Variants in NPHP4 observed in about 807,000 individuals in gnomAD.
NPHP4 encodes the protein nephrocystin 4, also known as nephrocystin-4.
Under a neutral mutation model 155.8 loss-of-function variants are expected in NPHP4, and 151 were observed. That is an observed-to-expected ratio of 0.97 (90% confidence interval 0.85 to 1.11). NPHP4 has a LOEUF of 1.11. Ranked by LOEUF, NPHP4 falls within the 50% of genes least tolerant of loss-of-function variation. The pLI is 0.00. For synonymous variants in NPHP4, 845 were observed against 816.8 expected (o/e 1.03, Z -0.59); for missense variants, 1,956 against 1,925.7 (o/e 1.02, Z -0.29).
intron 2 of NPHP4, among the ~76,000 whole-genome samples, chr1:5,982,998 G>T (rs1299860345): frequency 1.3e-5 from 2 of 152,180 alleles, no homozygotes; most frequent in Non-Finnish European, 2.9e-5. Flanking sequence ...TAGCTTTGTT[G>T]GGAGTGGTGT....
chr1:5,863,963 T>G lies in NPHP4; in HGVS notation c.4067A>C (p.Tyr1356Ser), dbSNP rs747071185. The change falls in exon 29 of 30, where the codon TAC becomes TCC. Residue 1356 changes from tyrosine (Y) to serine (S), a missense_variant. Tyr to Ser is a moderately radical substitution (Grantham distance 144, BLOSUM62 -2). Coordinates refer to ENST00000378156, the MANE Select transcript of NPHP4 (RefSeq NM_015102.5). Reference sequence around the variant, plus strand: ...CAGGTGGAATGTCCTCCGGGAGGGGTAGGGGTTGGTGTAGGTGATCCTCTT... The same window carrying G: ...CAGGTGGAATGTCCTCCGGGAGGGGGAGGGGTTGGTGTAGGTGATCCTCTT... ...VNKRITYTNP[Y>S]PSRRTFHLHS... 5.6e-6 allele frequency: 9 copies of G among 1,613,246 alleles called. No individual in the cohort carries two copies. In the East Asian group the frequency reaches 1.6e-4, roughly 28 times the overall value.
At chr1:5,925,830 C>T (rs1384269299) in intron 11 of NPHP4, among the ~76,000 whole-genome samples, 1 of 152,116 alleles carries the variant, frequency 6.6e-6, no homozygotes, top group Non-Finnish European at 1.5e-5. Context: ...TTAGCCAGAA[C>T]GGTCTCGATC....
At chr1:5,989,675 A>AT (rs577678796) in intron 1 of NPHP4, among the ~76,000 whole-genome samples, 6 of 152,214 alleles carry the variant, frequency 3.9e-5, no homozygotes, top group Non-Finnish European at 8.8e-5. Context: ...GCAGGCCGTG[A>AT]TGGCCCCAGG....
At position 5,875,068 on chromosome 1, in the gene NPHP4, C is replaced by T. The variant is rs1246371645; in HGVS notation, c.2850G>A (p.Arg950=). Reference sequence around the variant, plus strand: ...GGTAGGCGGCGATGACCTGTAGGTCCCGCAAGTGCTGTGTGCGGACGCTCT... The same window carrying T: ...GGTAGGCGGCGATGACCTGTAGGTCTCGCAAGTGCTGTGTGCGGACGCTCT... ...AQQSVRTQHL[R]DLQVIAAYRE... Residue 950 remains arginine (R), a synonymous_variant, in exon 21 of 30, where the codon CGG becomes CGA. Transcript: ENST00000378156. 6.2e-7 allele frequency: 1 copy of T among 1,607,098 alleles called. No individual in the cohort carries two copies. The highest frequency in any genetic ancestry group is 8.5e-7 in the Non-Finnish European group (1 of 1,179,696).
chr1:5,942,399 C>G (rs984780533), intron 9 of NPHP4, among the ~76,000 whole-genome samples: 5 of 151,252 alleles, frequency 3.3e-5, no homozygotes, highest in African/African-American at 1.2e-4. Flanking sequence ...GGCGTGGTGG[C>G]AGGCACCTGT....
intron 11 of NPHP4, among the ~76,000 whole-genome samples, chr1:5,916,637 C>T (rs1489442691): frequency 6.6e-6 from 1 of 152,256 alleles, no homozygotes; most frequent in African/African-American, 2.4e-5. Flanking sequence ...CCAAGGCACA[C>T]TCCTCTCTGC....
At chr1:5,980,566 G>T (rs1404849832) in intron 2 of NPHP4, among the ~76,000 whole-genome samples, 1 of 152,226 alleles carries the variant, frequency 6.6e-6, no homozygotes, top group Non-Finnish European at 1.5e-5. Flanking sequence ...GGGGGCGGGA[G>T]TGGAAGCAGG....
At position 5,874,618 on chromosome 1, in the gene NPHP4, A is replaced by AC. The variant is rs1557616007; in HGVS notation, c.3083dup (p.Ala1029CysfsTer74). The AC allele has an allele frequency of 6.2e-7, 1 of 1,611,804 alleles. No homozygotes were observed. ...CCACCGGTGTGTGCAGGCCAGCAGCACCCTTGAAGTCCCTCCACTCCTGAC... is the reference window on the plus strand; with the variant it reads ...CCACCGGTGTGTGCAGGCCAGCAGCACCCCTTGAAGTCCCTCCACTCCTGAC... On this transcript the variant is annotated frameshift_variant, in exon 22 of 30. Coordinates refer to ENST00000378156, the MANE Select transcript of NPHP4 (RefSeq NM_015102.5). LOFTEE classifies it high-confidence loss of function.
chr1:5,968,390 C>A (rs945997376), intron 4 of NPHP4, among the ~76,000 whole-genome samples: 1 of 152,050 alleles, frequency 6.6e-6, no homozygotes, highest in Non-Finnish European at 1.5e-5. Context: ...TCTCTTGAGC[C>A]CAGGAGTTCA....
chr1:5,865,268 C>A lies in NPHP4; in HGVS notation c.3650G>T (p.Arg1217Leu). The A allele has an allele frequency of 6.4e-7, 1 of 1,556,980 alleles. No homozygotes were observed. Among genetic ancestry groups the A allele is most frequent in the Non-Finnish European group, 8.7e-7 (1 of 1,144,240 alleles). ...CGTCTGTGTGGGTGTCGCCAGCCAG[C>A]GATCCCTGCAGTGGGATGGGAGCCA... is the stretch of plus-strand genomic sequence containing the variant. Reference protein sequence around the residue: ...KDFFVIIYSDRWLATPTQTWQ... With the variant: ...KDFFVIIYSDLWLATPTQTWQ... Residue 1217 changes from arginine (R) to leucine (L), a missense_variant, in exon 27 of 30, where the codon CGC becomes CTC. Transcript: ENST00000378156.
At chr1:5,908,958 G>A (rs773621822) in intron 12 of NPHP4, among the ~76,000 whole-genome samples, 194 bp downstream of exon 12, 5 of 152,206 alleles carry the variant, frequency 3.3e-5, no homozygotes, top group Admixed American at 6.5e-5. Context: ...CTAAAAGCCC[G>A]CACTGGGAGT....
rs555208982 is a variant in NPHP4, at chr1:5,901,904, G to C, written c.2143+2713C>G. Reference sequence around the variant, plus strand: ...AAAAGGAAAGGTGGTTGGCTTAGTTGAAGTGATTCAGGAAGGTTGGAACCG... The same window carrying C: ...AAAAGGAAAGGTGGTTGGCTTAGTTCAAGTGATTCAGGAAGGTTGGAACCG... On this transcript the variant is annotated intron_variant, in intron 16 of 29. Transcript: ENST00000378156. Among the ~76,000 whole-genome samples, 13 of 152,346 alleles carry C rather than the reference G, an allele frequency of 8.5e-5. 1 individual carries two copies. The South Asian group carries it at 1.7e-3, about 19-fold the overall frequency.
Position 5,913,001 on chromosome 1 carries a change from A to C in NPHP4, c.1442-3788T>G, listed in dbSNP as rs373435267. The stretch of plus-strand genomic sequence containing the variant: ...CCCCGTCTCTACTAAAAATACAAAA[A>C]TTAGCCAGACATGGTGGCACGCGCC... On this transcript the variant is annotated intron_variant, in intron 11 of 29. Transcript: ENST00000378156. 1.4e-4 allele frequency among the ~76,000 whole-genome samples: 21 copies of C among 152,238 alleles called. No individual in the cohort carries two copies. The East Asian group carries it at 2.9e-3, about 21-fold the overall frequency.
intron 5 of NPHP4, among the ~76,000 whole-genome samples, chr1:5,962,736 G>T (rs1450759598): frequency 6.6e-6 from 1 of 152,250 alleles, no homozygotes; most frequent in South Asian, 2.1e-4. Context: ...AGGAAAAAGG[G>T]CATGAAGGAA....
intron 17 of NPHP4, among the ~76,000 whole-genome samples, chr1:5,887,744 G>T (rs1271157645): frequency 6.6e-6 from 1 of 152,254 alleles, no homozygotes; most frequent in East Asian, 1.9e-4. Flanking sequence ...ACTGGGCCCT[G>T]GGAAGGCATA....
Position 5,978,281 on chromosome 1 carries a change from C to T in NPHP4, c.268G>A (p.Val90Ile), listed in dbSNP as rs561876203. The change falls in exon 3 of 30, where the codon GTC becomes ATC. Residue 90 changes from valine to isoleucine, a missense_variant. Transcript: ENST00000378156. ...KPTKRPPSRI[V>I]FNEPLYFHTS... ...TCACCAGGGCCCACCTCATTAAAGA[C>T]GATCCTGGACGGCGGTCTCTTCGTC... The T allele has an allele frequency of 4.4e-6, 7 of 1,606,590 alleles. No homozygotes were observed. Among genetic ancestry groups the T allele is most frequent in the Admixed American group, 1.7e-5 (1 of 59,000 alleles).
chr1:5,970,951 T>C (rs1455058816), intron 3 of NPHP4, among the ~76,000 whole-genome samples: 1 of 152,228 alleles, frequency 6.6e-6, no homozygotes, highest in African/African-American at 2.4e-5. Flanking sequence ...GAGAATTATG[T>C]TTGTTTCCAA....
intron 16 of NPHP4, among the ~76,000 whole-genome samples, chr1:5,894,326 T>C (rs1263419440): frequency 1.3e-5 from 2 of 152,096 alleles, no homozygotes; most frequent in African/African-American, 4.8e-5. Flanking sequence ...TAGTGGTGCA[T>C]GCCTGTAGCC....
Position 5,949,490 on chromosome 1 carries a change from A to G in NPHP4, c.811-1239T>C, listed in dbSNP as rs558528533. Among the ~76,000 whole-genome samples, 24 of 152,210 alleles carry G rather than the reference A, an allele frequency of 1.6e-4. No individual in the cohort carries two copies. In the East Asian group the frequency reaches 4.4e-3, roughly 28 times the overall value. On this transcript the variant is annotated intron_variant, in intron 7 of 29. Coordinates refer to ENST00000378156, the MANE Select transcript of NPHP4 (RefSeq NM_015102.5). ...TGCACATCACGTGTCATTGTAAACA[A>G]AACAAAGTCCCTGTCCTGGTGACAC...
Sources: gnomAD v4.1 joint callset for allele counts (sites outside exome capture counted in the v4.1 genomes callset) on GRCh38, gnomAD v4.1.1 for gene constraint, MANE v1.5 for transcripts, NCBI Gene and HGNC (gene_info 2026-07-23, HGNC 2026-07-21) for gene names.